RNF214: variants seen among roughly 807,000 people sequenced by gnomAD.
RNF214 encodes the protein ring finger protein 214.
Under a neutral mutation model 75.9 loss-of-function variants are expected in RNF214, and 25 were observed. That is an observed-to-expected ratio of 0.33 (90% CI 0.24 to 0.46). RNF214 has a LOEUF of 0.46. Among genes scored for constraint, RNF214 ranks in the 20% least tolerant of loss-of-function variants. The pLI is 1.00. For synonymous variants in RNF214, 314 were observed against 308.8 expected, an observed-to-expected ratio of 1.02 and a Z score of -0.18; for missense variants, 725 against 857.5, an observed-to-expected ratio of 0.85 and a Z score of 1.93.
intron 6 of RNF214, among the ~76,000 whole-genome samples, chr11:117,248,984 C>A (rs745995253): frequency 6.6e-6 from 1 of 151,768 alleles, no homozygotes; most frequent in Admixed American, 6.6e-5. Flanking sequence ...AGTGCAGTGG[C>A]GCAATCTCGG....
chr11:117,252,756 C>G (rs574650565), intron 6 of RNF214, among the ~76,000 whole-genome samples: 58 of 151,906 alleles, frequency 3.8e-4, no homozygotes, highest in African/African-American at 6.0e-4. Flanking sequence ...TCCTGACCTC[C>G]TGTTCCGCCC....
intron 7 of RNF214, 21 bp from the exon 8 acceptor site, chr11:117,280,148 TTA>T (rs771969450): frequency 1.3e-5 from 20 of 1,583,990 alleles, no homozygotes; most frequent in Non-Finnish European, 1.6e-5. Flanking sequence ...AATAAAGTAT[TTA>T]TATGTGTGTG....
In RNF214 at chr11:117,238,623, CAGA is replaced by C. The variant is rs759418177; in HGVS notation, c.135_137del (p.Lys45del). 6.2e-7 allele frequency: 1 copy of C among 1,613,386 alleles called. No homozygotes were observed. The highest frequency in any genetic ancestry group is 1.1e-5 in the South Asian group (1 of 91,046). ...TAGCACCAAAGACTCTGCACAGAAGCAGAAGAACTCGCCTCTGTTGAGTGTAAG... is the reference window on the plus strand; with the variant it reads ...TAGCACCAAAGACTCTGCACAGAAGCAGAACTCGCCTCTGTTGAGTGTAAG... On this transcript the variant is annotated inframe_deletion, in exon 3 of 15. Transcript: ENST00000300650.
intron 6 of RNF214, among the ~76,000 whole-genome samples, chr11:117,262,930 G>A (rs534697902): frequency 4.1e-3 from 626 of 151,974 alleles, no homozygotes; most frequent in Middle Eastern, 0.014. Context: ...CCTCAGCCTC[G>A]TGAGAAGCTG....
intron 6 of RNF214, among the ~76,000 whole-genome samples, chr11:117,271,333 T>C (rs769194303): frequency 8.5e-5 from 13 of 152,242 alleles, no homozygotes; most frequent in South Asian, 6.2e-4. Flanking sequence ...AACCCGTTTT[T>C]GTCTCTTATT....
chr11:117,239,408 A>G (rs936580927), intron 3 of RNF214: 19 of 472,616 alleles, frequency 4.0e-5, no homozygotes, highest in Middle Eastern at 1.1e-3. Context: ...ATTCATATTT[A>G]TCATCTTTGA....
In RNF214 at chr11:117,244,549, T is replaced by G; in HGVS notation, c.783T>G (p.Leu261=). 1.2e-6 allele frequency: 2 copies of G among 1,612,238 alleles called. No homozygotes were observed. Among genetic ancestry groups the G allele is most frequent in the Non-Finnish European group, 1.7e-6 (2 of 1,179,308 alleles). The stretch of plus-strand genomic sequence containing the variant: ...AGCTCCAAGTGCAATTAAAGCAGCT[T>G]CAGCAAAGGAGAGAAGAGGAAATGA... The part of the protein sequence containing the change: ...ENQLQVQLKQ[L]QQRREEEMKN... The change falls in exon 5 of 15, where the codon CTT becomes CTG. Residue 261 remains leucine (L), a synonymous_variant. Coordinates refer to ENST00000300650, the MANE Select transcript of RNF214 (RefSeq NM_207343.4).
chr11:117,273,668 G>A (rs967245402), intron 6 of RNF214, among the ~76,000 whole-genome samples: 1 of 152,304 alleles, frequency 6.6e-6, no homozygotes, highest in Non-Finnish European at 1.5e-5. Context: ...GAGGACATGG[G>A]AGGAGACCCT....
chr11:117,270,784 C>T (rs1288757690), intron 6 of RNF214, among the ~76,000 whole-genome samples: 2 of 152,172 alleles, frequency 1.3e-5, no homozygotes, highest in African/African-American at 4.8e-5. Context: ...CAGGGTCTCA[C>T]TGTGTTGTGC....
At chr11:117,239,925 A>C in intron 4 of RNF214, 65 bp downstream of exon 4, 7 of 881,024 alleles carry the variant, frequency 7.9e-6, no homozygotes, top group Non-Finnish European at 1.1e-5. Flanking sequence ...GAGGCATATC[A>C]TCTCAGTTGG....
At chr11:117,281,199 C>T in intron 8 of RNF214, 115 bp from the exon 9 acceptor site, 1 of 708,360 alleles carries the variant, frequency 1.4e-6, no homozygotes, top group Non-Finnish European at 2.5e-6. Flanking sequence ...GTCTAGAACT[C>T]CTGAGCTCAA....
chr11:117,281,669 A>G lies in RNF214; in HGVS notation c.1306A>G (p.Thr436Ala). 4 of 1,612,380 alleles carry G rather than the reference A, an allele frequency of 2.5e-6. No homozygotes were observed. Among genetic ancestry groups the G allele is most frequent in the East Asian group, 2.2e-5 (1 of 44,798 alleles). Residue 436 changes from threonine to alanine, a missense_variant, in exon 10 of 15, where the codon ACT (threonine) becomes GCT (alanine). Thr to Ala is a moderately conservative substitution (Grantham distance 58). Transcript: ENST00000300650. Reference protein sequence around the residue: ...AKLSSLPQIPTPTLPPPPSET... With the variant: ...AKLSSLPQIPAPTLPPPPSET... ...GCTGAGCAGCCTTCCTCAAATCCCT[A>G]CTCCCACTTTACCTCCACCCCCATC...
intron 6 of RNF214, among the ~76,000 whole-genome samples, chr11:117,253,086 C>G (rs1173636090): frequency 1.3e-5 from 2 of 152,108 alleles, no homozygotes; most frequent in Non-Finnish European, 2.9e-5. Context: ...AGTCATGGCT[C>G]ACTAAAGCCT....
chr11:117,250,649 G>A (rs972202327), intron 6 of RNF214, among the ~76,000 whole-genome samples: 2 of 142,034 alleles, frequency 1.4e-5, no homozygotes, highest in African/African-American at 5.2e-5. Context: ...TCATTCTTGG[G>A]TGTTTCTCGC....
intron 3 of RNF214, chr11:117,239,403 T>C (rs749510062): frequency 2.3e-5 from 11 of 482,904 alleles, no homozygotes; most frequent in African/African-American, 3.9e-5. Flanking sequence ...TTAGCATTCA[T>C]ATTTATCATC....
At chr11:117,258,121 C>G (rs897445912) in intron 6 of RNF214, among the ~76,000 whole-genome samples, 5 of 151,244 alleles carry the variant, frequency 3.3e-5, no homozygotes, top group African/African-American at 1.2e-4. Context: ...GAGTCTCGCT[C>G]TGTCGCCAGG....
At chr11:117,239,210 G>T (rs1025041712) in intron 3 of RNF214, 99 bp downstream of exon 3, 7 of 1,339,998 alleles carry the variant, frequency 5.2e-6, no homozygotes, top group Non-Finnish European at 7.1e-6. Context: ...TTGCTGGCTT[G>T]TTTTGTTTTT....
At chr11:117,245,925 G>A (rs1244827664) in intron 5 of RNF214, among the ~76,000 whole-genome samples, 1 of 152,158 alleles carries the variant, frequency 6.6e-6, no homozygotes, top group Non-Finnish European at 1.5e-5. Flanking sequence ...ATGGGTGGAA[G>A]TGGTATGAAG....
In RNF214 at chr11:117,234,258, A is replaced by C; in HGVS notation, c.-6-9A>C. On this transcript the variant is annotated splice_polypyrimidine_tract_variant and intron_variant, in intron 1 of 14. Coordinates refer to ENST00000300650, the MANE Select transcript of RNF214 (RefSeq NM_207343.4). ...ACTTGTAGCCTGTAATTTGTTTCTGAATGTACAGAGCATAATGGCAGCGTC... is the reference window on the plus strand; with the variant it reads ...ACTTGTAGCCTGTAATTTGTTTCTGCATGTACAGAGCATAATGGCAGCGTC... 1.2e-6 allele frequency: 2 copies of C among 1,601,744 alleles called. No individual in the cohort carries two copies. The highest frequency in any genetic ancestry group is 1.7e-6 in the Non-Finnish European group (2 of 1,168,952).
Sources: gnomAD v4.1 joint callset for allele counts (sites outside exome capture counted in the v4.1 genomes callset) on GRCh38, gnomAD v4.1.1 for gene constraint, MANE v1.5 for transcripts, NCBI Gene and HGNC (gene_info 2026-07-23, HGNC 2026-07-21) for gene names.